AFAP1: variants seen among roughly 807,000 people sequenced by gnomAD.
AFAP1 encodes the protein actin filament-associated protein 1.
In AFAP1, 75 loss-of-function variants were observed where a neutral mutation model predicts 93.9. That is an observed-to-expected ratio of 0.80 (90% CI 0.66 to 0.97). The LOEUF (loss-of-function observed/expected upper bound fraction) is 0.97, where lower values mean the gene tolerates loss of function less well. Among genes scored for constraint, AFAP1 ranks in the 50% least tolerant of loss-of-function variants. The probability of loss-of-function intolerance (pLI) is 0.00; values close to 1 mark genes in which losing one functional copy is unlikely to be tolerated. For synonymous variants in AFAP1, 517 were observed against 430.7 expected (o/e 1.20, Z -2.48); for missense variants, 1,201 against 1,050.8 (o/e 1.14, Z -1.98).
In AFAP1 at chr4:7,873,079, T is replaced by C. The variant is rs192590991; in HGVS notation, c.-2-999A>G. 5.7e-3 allele frequency among the ~76,000 whole-genome samples: 858 copies of C among 150,756 alleles called. 7 individuals carry two copies. Among genetic ancestry groups the C allele is most frequent in the African/African-American group, 0.018 (747 of 41,202 alleles). On this transcript the variant is annotated intron_variant, in intron 1 of 17. Coordinates refer to ENST00000420658, the MANE Select transcript of AFAP1 (RefSeq NM_001134647.2). ...AGCCTGGCCAACATGGCCATCTCTA[T>C]TAAAAATACAAAAAGTAGCCGGGCG...
At chr4:7,872,203 T>TA in intron 1 of AFAP1, 123 bp from the exon 2 acceptor site, 1 of 1,263,056 alleles carries the variant, frequency 7.9e-7, no homozygotes. Context: ...TATTCTGACC[T>TA]AAAAAACAAG....
At chr4:7,829,396 T>C (rs1334386890) in intron 6 of AFAP1, among the ~76,000 whole-genome samples, 1 of 152,192 alleles carries the variant, frequency 6.6e-6, no homozygotes, top group African/African-American at 2.4e-5. Flanking sequence ...AAAAGACTTA[T>C]TTTCTCTGAT....
At chr4:7,769,060 A>G in intron 16 of AFAP1, 52 bp from the exon 17 acceptor site, 1 of 1,513,340 alleles carries the variant, frequency 6.6e-7, no homozygotes, top group Non-Finnish European at 8.9e-7. Context: ...GGCCACTGGT[A>G]TTCTCCAGCA....
At chr4:7,868,231 A>G (rs1279875864) in intron 3 of AFAP1, among the ~76,000 whole-genome samples, 1 of 152,226 alleles carries the variant, frequency 6.6e-6, no homozygotes, top group Non-Finnish European at 1.5e-5. Context: ...AAAGTTTCAC[A>G]ATAAGGTATT....
chr4:7,812,905 C>T (rs1311236668), intron 8 of AFAP1, among the ~76,000 whole-genome samples: 1 of 152,170 alleles, frequency 6.6e-6, no homozygotes, highest in Non-Finnish European at 1.5e-5. Flanking sequence ...TCACATCTTA[C>T]AGATGTGAAG....
intron 1 of AFAP1, among the ~76,000 whole-genome samples, chr4:7,906,804 T>G (rs1329728245): frequency 6.6e-6 from 1 of 152,196 alleles, no homozygotes; most frequent in African/African-American, 2.4e-5. Context: ...GTGGATCACC[T>G]GAGGTCGGAA....
chr4:7,804,965 A>G (rs548029814), intron 9 of AFAP1, among the ~76,000 whole-genome samples: 47 of 152,268 alleles, frequency 3.1e-4, no homozygotes, highest in Non-Finnish European at 5.6e-4. Flanking sequence ...CACTCTTCGC[A>G]GTGTGTCCTC....
intron 7 of AFAP1, among the ~76,000 whole-genome samples, chr4:7,817,713 G>T (rs570450578): frequency 1.3e-5 from 2 of 151,594 alleles, no homozygotes; most frequent in South Asian, 2.1e-4. Context: ...AAATGTTTGT[G>T]GCTTAAGAGT....
intron 12 of AFAP1, among the ~76,000 whole-genome samples, chr4:7,782,032 G>A (rs2148985905): frequency 6.6e-6 from 1 of 152,368 alleles, no homozygotes; most frequent in East Asian, 1.9e-4. Context: ...GGGCGTGGAT[G>A]GAAGGGGAGG....
chr4:7,838,458 A>G (rs1712573566), intron 6 of AFAP1, 66 bp downstream of exon 6: 2 of 1,516,794 alleles, frequency 1.3e-6, no homozygotes, highest in Middle Eastern at 2.4e-4. Context: ...TTAAAATTAA[A>G]ATTAAAATGG....
At chr4:7,785,488 T>A (rs980182716) in intron 12 of AFAP1, among the ~76,000 whole-genome samples, 1 of 152,226 alleles carries the variant, frequency 6.6e-6, no homozygotes, top group Non-Finnish European at 1.5e-5. Flanking sequence ...ATTTCCTTCC[T>A]GAGGGGATTT....
At chr4:7,937,659 G>T (rs972614983) in intron 1 of AFAP1, among the ~76,000 whole-genome samples, 1 of 152,128 alleles carries the variant, frequency 6.6e-6, no homozygotes, top group Admixed American at 6.6e-5. Context: ...GCTAATTTTT[G>T]TATTTTTAGT....
At chr4:7,777,427 G>A (rs1313165336) in intron 14 of AFAP1, 2 of 152,254 alleles carry the variant, frequency 1.3e-5, no homozygotes, top group African/African-American at 4.8e-5. Flanking sequence ...GCCCTGCGGA[G>A]CGATTTCAAG....
At chr4:7,789,451 C>G (rs1323525502) in intron 11 of AFAP1, among the ~76,000 whole-genome samples, 9 of 133,736 alleles carry the variant, frequency 6.7e-5, no homozygotes, top group Non-Finnish European at 1.1e-4. Flanking sequence ...CATCTCCCCA[C>G]GCTCCGCACC....
chr4:7,778,545 A>G, intron 14 of AFAP1: 2 of 599,886 alleles, frequency 3.3e-6, no homozygotes, highest in Non-Finnish European at 5.9e-6. Context: ...CACAGGTGGC[A>G]AACCAGTTCT....
chr4:7,846,759 G>A (rs1713751957), intron 4 of AFAP1, among the ~76,000 whole-genome samples: 1 of 152,150 alleles, frequency 6.6e-6, no homozygotes, highest in Non-Finnish European at 1.5e-5. Context: ...ATTTACAAAG[G>A]TTTCTCACAT....
chr4:7,895,750 C>T (rs994493617), intron 1 of AFAP1, among the ~76,000 whole-genome samples: 4 of 151,472 alleles, frequency 2.6e-5, no homozygotes, highest in South Asian at 2.1e-4. Flanking sequence ...AAAATATCAG[C>T]GGTTTTAGGA....
At chr4:7,872,926 CTTT>C (rs1166681967) in intron 1 of AFAP1, among the ~76,000 whole-genome samples, 3 of 119,640 alleles carry the variant, frequency 2.5e-5, no homozygotes, top group African/African-American at 9.5e-5. Flanking sequence ...GTTTTTTTTC[CTTT>C]TTTTTTTTTT....
chr4:7,925,589 G>A (rs896124353), intron 1 of AFAP1, among the ~76,000 whole-genome samples: 1 of 152,122 alleles, frequency 6.6e-6, no homozygotes, highest in African/African-American at 2.4e-5. Context: ...GCTCACGCCT[G>A]TAATCCCAGC....
Sources: gnomAD v4.1 joint callset for allele counts (sites outside exome capture counted in the v4.1 genomes callset) on GRCh38, gnomAD v4.1.1 for gene constraint, MANE v1.5 for transcripts, NCBI Gene and HGNC (gene_info 2026-07-23, HGNC 2026-07-21) for gene names.